PPP4R3B: variants seen among roughly 807,000 people sequenced by gnomAD.
PPP4R3B encodes serine/threonine-protein phosphatase 4 regulatory subunit 3B.
Under a neutral mutation model 95.4 loss-of-function variants are expected in PPP4R3B, and 52 were observed. The ratio of observed to expected loss-of-function variants is 0.54; its 90% CI spans 0.44 to 0.69. The LOEUF (loss-of-function observed/expected upper bound fraction) is 0.69, where lower values mean the gene tolerates loss of function less well. Ranked by LOEUF, PPP4R3B falls within the 30% of genes least tolerant of loss-of-function variation. The pLI is 0.00. For synonymous variants in PPP4R3B, 407 were observed against 343.9 expected (o/e 1.18, Z -2.03); for missense variants, 1,003 against 1,005.9 (o/e 1.00, Z 0.04).
At chr2:55,573,282 A>G (rs1165058078) in intron 12 of PPP4R3B, among the ~76,000 whole-genome samples, 1 of 152,202 alleles carries the variant, frequency 6.6e-6, no homozygotes, top group East Asian at 1.9e-4. Flanking sequence ...TGATGCAAAT[A>G]TCAGGATAAT....
rs963323184 is a variant in PPP4R3B, at chr2:55,617,580, A to G, written c.-295T>C. On this transcript the variant is annotated 5_prime_UTR_variant, in exon 1 of 17. Coordinates refer to ENST00000616407, the MANE Select transcript of PPP4R3B (RefSeq NM_001122964.3). ...CTCCCGCCGCCGCGGTAACTACTACAGATCCGCCATCTTGTAACCCGACTC... is the reference window on the plus strand; with the variant it reads ...CTCCCGCCGCCGCGGTAACTACTACGGATCCGCCATCTTGTAACCCGACTC... The G allele has an allele frequency of 6.5e-5, 20 of 309,940 alleles. No homozygotes were observed. Among genetic ancestry groups the G allele is most frequent in the Non-Finnish European group, 9.0e-5 (15 of 166,050 alleles). The allele number at this position is 309,940 out of a possible 1,614,324, so 19.2% of individuals were successfully genotyped here.
intron 11 of PPP4R3B, among the ~76,000 whole-genome samples, chr2:55,576,074 C>T (rs1216304029): frequency 1.3e-5 from 2 of 152,116 alleles, no homozygotes; most frequent in Non-Finnish European, 2.9e-5. Flanking sequence ...TGGCCAGGTG[C>T]AGTGGCTCAT....
chr2:55,591,577 T>C, intron 4 of PPP4R3B: 1 of 984,020 alleles, frequency 1.0e-6, no homozygotes, highest in Non-Finnish European at 1.2e-6. Context: ...CTTTACTACC[T>C]GAAAATTTAA....
chr2:55,581,125 C>T (rs1348536457), intron 8 of PPP4R3B, among the ~76,000 whole-genome samples: 1 of 151,956 alleles, frequency 6.6e-6, no homozygotes, highest in African/African-American at 2.4e-5. Context: ...TGGTGGTGTG[C>T]GTCTGTAGTC....
intron 7 of PPP4R3B, among the ~76,000 whole-genome samples, chr2:55,584,701 A>T (rs1346469005): frequency 1.3e-5 from 2 of 152,194 alleles, no homozygotes; most frequent in Non-Finnish European, 1.5e-5. Context: ...TTTTTGAACA[A>T]ATAAAAGCAA....
chr2:55,581,347 CAT>C (rs1228138711), intron 8 of PPP4R3B, among the ~76,000 whole-genome samples: 1 of 152,172 alleles, frequency 6.6e-6, no homozygotes. Context: ...GAAATTAACA[CAT>C]AGAGGCCAAG....
chr2:55,557,790 A>C (rs1686047058), intron 16 of PPP4R3B, among the ~76,000 whole-genome samples: 1 of 151,930 alleles, frequency 6.6e-6, no homozygotes, highest in African/African-American at 2.4e-5. Flanking sequence ...ATGCCTTTTT[A>C]TTTTAAGCCA....
At chr2:55,616,910 G>A (rs1301374803) in intron 1 of PPP4R3B, among the ~76,000 whole-genome samples, 5 of 152,076 alleles carry the variant, frequency 3.3e-5, no homozygotes, top group African/African-American at 9.7e-5. Flanking sequence ...AGGAGGGACT[G>A]GAAAGGAAGG....
At chr2:55,577,412 T>C (rs1431532720) in intron 10 of PPP4R3B, 56 bp from the exon 11 acceptor site, 4 of 1,349,722 alleles carry the variant, frequency 3.0e-6, no homozygotes, top group Non-Finnish European at 3.9e-6. Context: ...ATCCCAGATT[T>C]CCCTAGTACT....
intron 4 of PPP4R3B, among the ~76,000 whole-genome samples, chr2:55,594,071 T>C (rs1032565766): frequency 6.6e-6 from 1 of 152,180 alleles, no homozygotes; most frequent in Non-Finnish European, 1.5e-5. Context: ...CAGAAAATCA[T>C]ATATCGCATG....
intron 4 of PPP4R3B, among the ~76,000 whole-genome samples, chr2:55,592,595 C>T (rs1315002723): frequency 6.6e-6 from 1 of 152,116 alleles, no homozygotes; most frequent in East Asian, 1.9e-4. Flanking sequence ...AAATTTTTCT[C>T]TTTCCGTGCC....
chr2:55,571,409 C>A (rs1687981217), intron 12 of PPP4R3B, among the ~76,000 whole-genome samples: 1 of 152,046 alleles, frequency 6.6e-6, no homozygotes, highest in East Asian at 1.9e-4. Context: ...ATAGGAAAAT[C>A]TGTCTTAAGA....
chr2:55,617,562 C>T lies in PPP4R3B; in HGVS notation c.-277G>A. 5.5e-6 allele frequency: 2 copies of T among 360,710 alleles called. No homozygotes were observed. Among genetic ancestry groups the T allele is most frequent in the East Asian group, 4.6e-5 (1 of 21,866 alleles). 22.3% of individuals were successfully genotyped at this position (360,710 alleles called of 1,614,324 possible). On this transcript the variant is annotated 5_prime_UTR_variant, in exon 1 of 17. Transcript: ENST00000616407. The stretch of plus-strand genomic sequence containing the variant: ...CCCCAGGGCTCGCTTGCTCTCCCGC[C>T]GCCGCGGTAACTACTACAGATCCGC...
chr2:55,617,409 G>C lies in PPP4R3B; in HGVS notation c.-124C>G. On this transcript the variant is annotated 5_prime_UTR_variant, in exon 1 of 17. Transcript: ENST00000616407. ...GGCGGCGGCGGCTTCGGAGAGGCCC[G>C]AATTCACCATGGCTCCAAAGGTTCA... 1 of 1,157,190 alleles carries C rather than the reference G, an allele frequency of 8.6e-7. No homozygotes were observed. The highest frequency in any genetic ancestry group is 1.2e-6 in the Non-Finnish European group (1 of 868,360). The allele number at this position is 1,157,190 out of a possible 1,614,324, so 71.7% of individuals were successfully genotyped here.
chr2:55,587,341 T>C (rs935275558), intron 5 of PPP4R3B, among the ~76,000 whole-genome samples: 43 of 152,334 alleles, frequency 2.8e-4, no homozygotes, highest in Non-Finnish European at 4.9e-4. Flanking sequence ...CCCAACATTT[T>C]GGGAGGCTGA....
chr2:55,547,441 G>A lies in PPP4R3B; in HGVS notation c.*2470C>T, dbSNP rs1285194543. 1 of 152,220 alleles carries A rather than the reference G, an allele frequency of 6.6e-6. No homozygotes were observed. Among genetic ancestry groups the A allele is most frequent in the East Asian group, 1.9e-4 (1 of 5,202 alleles). The allele number at this position is 152,220 out of a possible 1,614,324, so 9.4% of individuals were successfully genotyped here. Reference sequence around the variant, plus strand: ...AAGATATAAAAACCCAGATCTGCCTGAGGGTAGTCGTTTAAAGACAGCCGC... The same window carrying A: ...AAGATATAAAAACCCAGATCTGCCTAAGGGTAGTCGTTTAAAGACAGCCGC... On this transcript the variant is annotated 3_prime_UTR_variant, in exon 17 of 17. Coordinates refer to ENST00000616407, the MANE Select transcript of PPP4R3B (RefSeq NM_001122964.3).
rs377587864 is a variant in PPP4R3B, at chr2:55,598,800, G to A, written c.537C>T (p.Phe179=). ...TGTTTTCTAGGTTCTCGCAAGCTTGGAACAGCTGCAATAGTTTTTTAATAT... is the reference window on the plus strand; with the variant it reads ...TGTTTTCTAGGTTCTCGCAAGCTTGAAACAGCTGCAATAGTTTTTTAATAT... ...EGYIKKLLQL[F]QACENLENTE... The change falls in exon 4 of 17, where the codon TTC becomes TTT. Residue 179 remains phenylalanine, a synonymous_variant. Transcript: ENST00000616407. The A allele has an allele frequency of 2.5e-6, 4 of 1,614,062 alleles. No individual in the cohort carries two copies. Among genetic ancestry groups the A allele is most frequent in the Non-Finnish European group, 3.4e-6 (4 of 1,180,054 alleles).
At chr2:55,559,038 G>A in intron 15 of PPP4R3B, 70 bp from the exon 16 acceptor site, 7 of 1,277,944 alleles carry the variant, frequency 5.5e-6, no homozygotes, top group Non-Finnish European at 7.6e-6. Context: ...AAAAACAGCA[G>A]TAATTAAAAA....
intron 14 of PPP4R3B, 53 bp from the exon 15 acceptor site, chr2:55,564,550 A>G: frequency 6.8e-7 from 1 of 1,465,048 alleles, no homozygotes; most frequent in South Asian, 1.4e-5. Flanking sequence ...TCATCATCAG[A>G]TTGAACTGAA....
Sources: allele counts gnomAD v4.1 joint callset (sites outside exome capture counted in the v4.1 genomes callset), GRCh38; gene constraint gnomAD v4.1.1; transcripts MANE v1.5; gene names NCBI Gene and HGNC (gene_info 2026-07-23, HGNC 2026-07-21).